Variants in C4orf51 observed in about 807,000 individuals in gnomAD.
The protein encoded by C4orf51 is uncharacterized protein C4orf51.
A neutral mutation model predicts 25.2 loss-of-function variants in C4orf51; 25 were observed. The observed-to-expected ratio is 0.99, with a 90% CI of 0.72 to 1.39. The LOEUF (loss-of-function observed/expected upper bound fraction) is 1.39. Among genes scored for constraint, C4orf51 ranks in the 40% most tolerant of loss-of-function variants. C4orf51 has a pLI of 0.00. For missense variants in C4orf51, 252 were observed against 239.6 expected, an observed-to-expected ratio of 1.05 and a Z score of -0.34; for synonymous variants, 100 against 84.5, an observed-to-expected ratio of 1.18 and a Z score of -1.01.
At position 145,730,098 on chromosome 4, in the gene C4orf51, A is replaced by T. The variant is rs1732377542; in HGVS notation, c.501+133A>T. 31 of 709,570 alleles carry T rather than the reference A, an allele frequency of 4.4e-5. No homozygotes were observed. The South Asian group carries it at 5.2e-4, about 12-fold the overall frequency. 44.0% of individuals were successfully genotyped at this position (709,570 alleles called of 1,614,324 possible). On this transcript the variant is annotated intron_variant, in intron 5 of 5. Transcript: ENST00000438731. Reference sequence around the variant, plus strand: ...AGAGTTGGTATAAAAGTATTCCCTAAGTTACAATCAGGCAAAAAGCGGAGC... The same window carrying T: ...AGAGTTGGTATAAAAGTATTCCCTATGTTACAATCAGGCAAAAAGCGGAGC...
Position 145,761,560 on chromosome 4 carries a change from G to T in C4orf51, n.167-9428G>T, listed in dbSNP as rs1560881583. The stretch of plus-strand genomic sequence containing the variant: ...GTGGGTCTTGAGGTGGCACTCCATG[G>T]CAGCGGGGCGGTTGGTGGAATAAAT... On this transcript the variant is annotated intron_variant and non_coding_transcript_variant, in intron 1 of 1. Coordinates refer to the C4orf51 transcript ENST00000510096. This position sits in a 1 kb window ranked among gnomAD's most constrained non-coding sequence, Gnocchi z 6.8. 1.6e-6 allele frequency: 2 copies of T among 1,278,488 alleles called. No homozygotes were observed. The allele number at this position is 1,278,488 out of a possible 1,614,324, so 79.2% of individuals were successfully genotyped here.
At chr4:145,764,406 A>C (rs1734969198) in intron 1 of C4orf51, among the ~76,000 whole-genome samples, 1 of 152,220 alleles carries the variant, frequency 6.6e-6, no homozygotes. Context: ...TTGAGACCAA[A>C]GGGCCTCTTG....
chr4:145,688,235 G>A (rs935008703), intron 1 of C4orf51, among the ~76,000 whole-genome samples: 26 of 145,564 alleles, frequency 1.8e-4, no homozygotes, highest in African/African-American at 6.0e-4. Context: ...CTACAACATG[G>A]CTAAAATAGG....
At chr4:145,714,107 A>G (rs1393275818) in intron 2 of C4orf51, among the ~76,000 whole-genome samples, 2 of 152,180 alleles carry the variant, frequency 1.3e-5, no homozygotes, top group African/African-American at 2.4e-5. Flanking sequence ...ACATAATGCT[A>G]TTGCACACCT....
chr4:145,724,466 T>C (rs1731928566), intron 2 of C4orf51, among the ~76,000 whole-genome samples: 1 of 152,110 alleles, frequency 6.6e-6, no homozygotes, highest in Non-Finnish European at 1.5e-5. Context: ...CACATGCTAG[T>C]CCCCTCTCTT....
chr4:145,761,496 C>A lies in C4orf51; in HGVS notation n.167-9492C>A, dbSNP rs566282354. 7.8e-6 allele frequency: 10 copies of A among 1,289,854 alleles called. No individual in the cohort carries two copies. The East Asian group carries it at 5.0e-4, about 64-fold the overall frequency. The allele number at this position is 1,289,854 out of a possible 1,614,324, so 79.9% of individuals were successfully genotyped here. ...TCTCCAGCTCCAGCTGGTTGGCCTT[C>A]ACCGTCTGGCAGATCCGGCACTTGT... On this transcript the variant is annotated intron_variant and non_coding_transcript_variant, in intron 1 of 1. Coordinates refer to the C4orf51 transcript ENST00000510096. The surrounding 1 kb of genome is among the most constrained non-coding windows in gnomAD (Gnocchi z 6.8).
downstream of C4orf51, among the ~76,000 whole-genome samples, chr4:145,774,079 A>G (rs1395663574): frequency 6.6e-6 from 1 of 152,180 alleles, no homozygotes; most frequent in Admixed American, 6.5e-5. Flanking sequence ...TGGATGGAAT[A>G]TCTCACCTCT....
At chr4:145,788,324 T>C in the C4orf51 span, among the ~76,000 whole-genome samples, 1 of 152,192 alleles carries the variant, frequency 6.6e-6, no homozygotes, top group Non-Finnish European at 1.5e-5. Flanking sequence ...TGGCTAGTAC[T>C]AGGTGCCCCT....
chr4:145,757,225 A>C (rs1181585244), downstream of C4orf51, among the ~76,000 whole-genome samples: 1 of 152,250 alleles, frequency 6.6e-6, no homozygotes, highest in East Asian at 1.9e-4. Flanking sequence ...ACTCATTAAA[A>C]TCTCATAGTT....
chr4:145,774,292 G>C (rs946675621), downstream of C4orf51, among the ~76,000 whole-genome samples: 3 of 152,170 alleles, frequency 2.0e-5, no homozygotes, highest in Non-Finnish European at 4.4e-5. Context: ...ATCTGAACTT[G>C]GGAGTCTTTC....
At chr4:145,778,261 G>A in the C4orf51 span, among the ~76,000 whole-genome samples, 12 of 152,020 alleles carry the variant, frequency 7.9e-5, no homozygotes, top group Non-Finnish European at 1.8e-4. Flanking sequence ...AGCCTCCTGA[G>A]TAGCTGGGAT....
intron 2 of C4orf51, among the ~76,000 whole-genome samples, chr4:145,697,723 G>T (rs139604291): frequency 6.6e-6 from 1 of 152,126 alleles, no homozygotes; most frequent in Admixed American, 6.5e-5. Context: ...ATTTTCCATT[G>T]TATTATATAC....
At chr4:145,712,051 C>T (rs1194859759) in intron 2 of C4orf51, among the ~76,000 whole-genome samples, 2 of 152,148 alleles carry the variant, frequency 1.3e-5, no homozygotes, top group African/African-American at 4.8e-5. Context: ...TGTTTTGAGA[C>T]ACCACAAACC....
At chr4:145,774,696 G>T (rs1560903970), downstream of C4orf51, 2 of 1,605,190 alleles carry the variant, frequency 1.2e-6, no homozygotes, top group Admixed American at 1.7e-5. Flanking sequence ...TAAAAGAAAA[G>T]AGGGGGAGAG....
rs558962932 is a variant in C4orf51, at chr4:145,709,397, C to T, written c.307+12765C>T. 5.3e-5 allele frequency among the ~76,000 whole-genome samples: 8 copies of T among 152,306 alleles called. No homozygotes were observed. In the South Asian group the frequency reaches 1.7e-3, roughly 32 times the overall value. On this transcript the variant is annotated intron_variant, in intron 2 of 5. Transcript: ENST00000438731. ...GGGTTCCAATTAATGTCTGTCCCCA[C>T]AATGTGCCAAGAGACAGGGAAAGGG...
intron 5 of C4orf51, among the ~76,000 whole-genome samples, chr4:145,730,361 C>T (rs988267464): frequency 6.6e-6 from 1 of 152,138 alleles, no homozygotes; most frequent in Non-Finnish European, 1.5e-5. Context: ...GAGTTTCCCT[C>T]CTCATGTGCC....
the C4orf51 span, among the ~76,000 whole-genome samples, chr4:145,778,786 A>C: frequency 6.6e-6 from 1 of 152,192 alleles, no homozygotes; most frequent in Non-Finnish European, 1.5e-5. Flanking sequence ...CAGTGTAAAA[A>C]TGGAAATGTT....
At chr4:145,746,912 G>T (rs1320105046) in intron 1 of C4orf51, among the ~76,000 whole-genome samples, 1 of 151,856 alleles carries the variant, frequency 6.6e-6, no homozygotes, top group Non-Finnish European at 1.5e-5. Flanking sequence ...AATTTTCATT[G>T]TAGAGATCTT....
chr4:145,708,346 T>C (rs1331896806), intron 2 of C4orf51, among the ~76,000 whole-genome samples: 1 of 152,194 alleles, frequency 6.6e-6, no homozygotes, highest in Non-Finnish European at 1.5e-5. Flanking sequence ...GGAAAAGTAG[T>C]TTCTTGTTTT....
Sources: allele counts gnomAD v4.1 joint callset (sites outside exome capture counted in the v4.1 genomes callset), GRCh38; gene constraint gnomAD v4.1.1; non-coding constraint Gnocchi (gnomAD v3.1); transcripts MANE v1.5; gene names NCBI Gene and HGNC (gene_info 2026-07-23, HGNC 2026-07-21).